UNC79: variants seen among roughly 807,000 people sequenced by gnomAD.
UNC79 encodes the protein unc-79 subunit of NALCN channel complex.
Under a neutral mutation model 283.1 loss-of-function variants are expected in UNC79, and 37 were observed. That is an observed-to-expected ratio of 0.13 (90% CI 0.10 to 0.17). UNC79 has a LOEUF of 0.17. Ranked by LOEUF, UNC79 falls within the 10% of genes least tolerant of loss-of-function variation. The pLI, the probability that UNC79 is intolerant of heterozygous loss-of-function variation, is 1.00. For synonymous variants in UNC79, 1,107 were observed against 1,200.2 expected (o/e 0.92, Z 1.61); for missense variants, 2,272 against 3,211.1 (o/e 0.71, Z 7.07).
At chr14:93,418,143 T>G (rs2055505413) in intron 1 of UNC79, among the ~76,000 whole-genome samples, 1 of 151,756 alleles carries the variant, frequency 6.6e-6, no homozygotes. Flanking sequence ...TCCCCATCTT[T>G]GTGGTTTTAT....
intron 1 of UNC79, among the ~76,000 whole-genome samples, chr14:93,434,107 G>C (rs893553283): frequency 6.6e-6 from 1 of 152,056 alleles, no homozygotes; most frequent in Admixed American, 6.6e-5. Flanking sequence ...CAGCTACTCA[G>C]GAGGCTGAGG....
At chr14:93,543,383 C>CTT (rs369252676) in intron 14 of UNC79, among the ~76,000 whole-genome samples, 1 of 140,908 alleles carries the variant, frequency 7.1e-6, no homozygotes, top group African/African-American at 2.6e-5. Context: ...TTCTTTTTTC[C>CTT]TTTTTTTTTT....
intron 42 of UNC79, among the ~76,000 whole-genome samples, chr14:93,682,982 A>C (rs1365801719): frequency 6.6e-6 from 1 of 152,226 alleles, no homozygotes; most frequent in African/African-American, 2.4e-5. Context: ...AAAAATATTA[A>C]CAAACATTGC....
intron 20 of UNC79, among the ~76,000 whole-genome samples, chr14:93,583,899 G>A (rs1279355744): frequency 6.6e-6 from 1 of 151,126 alleles, no homozygotes; most frequent in South Asian, 2.1e-4. Flanking sequence ...TTGACCACCT[G>A]GGCTCAAGCA....
At chr14:93,599,759 A>G (rs1454069398) in intron 24 of UNC79, among the ~76,000 whole-genome samples, 1 of 152,220 alleles carries the variant, frequency 6.6e-6, no homozygotes, top group Non-Finnish European at 1.5e-5. Flanking sequence ...TTAACATTCT[A>G]TGTTCCACTC....
Position 93,555,501 on chromosome 14 carries a change from T to G in UNC79, c.1755+12805T>G, listed in dbSNP as rs574255919. On this transcript the variant is annotated intron_variant, in intron 14 of 48. Coordinates refer to ENST00000555664, the Ensembl canonical transcript of UNC79. ...TCACTGCAACCTCTGCTTCCTGGGT[T>G]CAGGTGATTATCCTGCCTCAGCCTC... Among the ~76,000 whole-genome samples, 4 of 152,274 alleles carry G rather than the reference T, an allele frequency of 2.6e-5. No homozygotes were observed. In the East Asian group the frequency reaches 7.7e-4, roughly 29 times the overall value.
intron 1 of UNC79, among the ~76,000 whole-genome samples, chr14:93,354,229 G>A (rs1367044781): frequency 6.6e-6 from 1 of 152,130 alleles, no homozygotes. Context: ...ATGATGATGG[G>A]CAGGTGAGAG....
chr14:93,405,852 T>C (rs1020519578), intron 1 of UNC79, among the ~76,000 whole-genome samples: 5 of 152,162 alleles, frequency 3.3e-5, no homozygotes, highest in African/African-American at 1.2e-4. Context: ...AAACTAGAAA[T>C]AGAAGAGCAG....
intron 40 of UNC79, among the ~76,000 whole-genome samples, chr14:93,672,493 A>T (rs899274102): frequency 6.6e-6 from 1 of 152,186 alleles, no homozygotes; most frequent in Non-Finnish European, 1.5e-5. Flanking sequence ...GTGTGGAAGG[A>T]TAGCTACCAG....
At chr14:93,662,673 C>G (rs1181845139) in exon 40 of UNC79, 16 of 1,611,952 alleles carry the variant, frequency 9.9e-6, no homozygotes, top group Non-Finnish European at 1.4e-5. Context: ...TCTGGCCTAC[C>G]TGGTGGAGCT....
chr14:93,622,171 C>G (rs1383745877), exon 30 of UNC79: 1 of 1,614,092 alleles, frequency 6.2e-7, no homozygotes, highest in Non-Finnish European at 8.5e-7. Flanking sequence ...TCGAGAGTGA[C>G]GAAGAAGAGG....
At chr14:93,438,305 A>G (rs1303191888) in intron 1 of UNC79, among the ~76,000 whole-genome samples, 1 of 152,112 alleles carries the variant, frequency 6.6e-6, no homozygotes, top group African/African-American at 2.4e-5. Flanking sequence ...CAACTTGTCT[A>G]TTCACTTATT....
At chr14:93,655,499 T>A (rs2070818863) in intron 38 of UNC79, 92 bp downstream of exon 41, 1 of 1,467,428 alleles carries the variant, frequency 6.8e-7, no homozygotes, top group African/African-American at 1.4e-5. Flanking sequence ...TGATTTAATG[T>A]ATCGCAAAGG....
intron 1 of UNC79, among the ~76,000 whole-genome samples, chr14:93,441,766 G>T (rs141070927): frequency 6.6e-6 from 1 of 151,982 alleles, no homozygotes; most frequent in Non-Finnish European, 1.5e-5. Flanking sequence ...TTTGATAATT[G>T]TATTTTAGCT....
At chr14:93,342,335 A>G (rs1374563099) in intron 1 of UNC79, among the ~76,000 whole-genome samples, 2 of 152,310 alleles carry the variant, frequency 1.3e-5, no homozygotes, top group East Asian at 3.9e-4. Flanking sequence ...CTCAAGCTCT[A>G]CCTTGATCCT....
chr14:93,398,682 A>G (rs2055045314), intron 1 of UNC79, among the ~76,000 whole-genome samples: 1 of 152,228 alleles, frequency 6.6e-6, no homozygotes, highest in Non-Finnish European at 1.5e-5. Context: ...AAGACAGTTT[A>G]GGATTTTCCT....
At chr14:93,554,113 G>A (rs2062033822) in intron 14 of UNC79, among the ~76,000 whole-genome samples, 1 of 152,160 alleles carries the variant, frequency 6.6e-6, no homozygotes. Flanking sequence ...CACTTTGGGA[G>A]GCCGAGTGGG....
At chr14:93,357,811 A>ATATATATATATGGATATATGGATATG (rs2054131832) in intron 1 of UNC79, among the ~76,000 whole-genome samples, 3 of 70,646 alleles carry the variant, frequency 4.2e-5, no homozygotes, top group Non-Finnish European at 7.5e-5. Context: ...ATATATGGAT[A>ATATATATATATGGATATATGGATATG]TATATATATG....
At chr14:93,357,811 A>ATATATATATGGACATATGGATATG (rs2054131882) in intron 1 of UNC79, among the ~76,000 whole-genome samples, 1 of 70,646 alleles carries the variant, frequency 1.4e-5, no homozygotes, top group Non-Finnish European at 2.5e-5. Context: ...ATATATGGAT[A>ATATATATATGGACATATGGATATG]TATATATATG....
Sources: gnomAD v4.1 joint callset for allele counts (sites outside exome capture counted in the v4.1 genomes callset) on GRCh38, gnomAD v4.1.1 for gene constraint, MANE v1.5 for transcripts, NCBI Gene and HGNC (gene_info 2026-07-23, HGNC 2026-07-21) for gene names.